The following EML6 variants were observed in gnomAD, a reference collection of about 807,000 sequenced individuals.
EML6 encodes the protein EMAP like 6, also known as echinoderm microtubule-associated protein-like 6.
A neutral mutation model predicts 240.1 loss-of-function variants in EML6; 154 were observed. The observed-to-expected ratio is 0.64, with a 90% confidence interval of 0.56 to 0.73. The LOEUF is 0.73. EML6 is among the 30% of genes least tolerant of loss of function. The pLI is 0.00. For synonymous variants in EML6, 1,148 were observed against 899.0 expected, an observed-to-expected ratio of 1.28 and a Z score of -4.95; for missense variants, 2,964 against 2,474.6, an observed-to-expected ratio of 1.20 and a Z score of -4.20.
chr2:54,781,830 C>A (rs1668870167), intron 2 of EML6, among the ~76,000 whole-genome samples: 1 of 151,982 alleles, frequency 6.6e-6, no homozygotes, highest in Admixed American at 6.6e-5. Context: ...CTGCCACGTC[C>A]CACTAATTTT....
intron 2 of EML6, among the ~76,000 whole-genome samples, chr2:54,771,237 T>C (rs1006760394): frequency 1.3e-5 from 2 of 152,306 alleles, no homozygotes; most frequent in East Asian, 3.9e-4. Flanking sequence ...CCCTAAAGCC[T>C]TTAACCTGGA....
Position 54,869,303 on chromosome 2 carries a change from G to A in EML6, c.2174G>A (p.Gly725Glu), listed in dbSNP as rs1671133142. 4 of 1,551,552 alleles carry A rather than the reference G, an allele frequency of 2.6e-6. No individual in the cohort carries two copies. Among genetic ancestry groups the A allele is most frequent in the Non-Finnish European group, 3.5e-6 (4 of 1,146,962 alleles). Residue 725 changes from glycine to glutamate, a missense_variant, in exon 15 of 42, where the codon GGG becomes GAG. By Grantham distance (98) the Gly-to-Glu change is moderately conservative. Coordinates refer to ENST00000356458, the MANE Select transcript of EML6 (RefSeq NM_001039753.4). ...CAGCACTCCCAGAGGCTGTACCTGG[G>A]GCACGATGACGACATTCTCAGCCTG... ...RQQHSQRLYL[G>E]HDDDILSLTI... is the part of the protein sequence containing the mutation.
At chr2:54,954,972 A>AG (rs1676163535) in intron 32 of EML6, among the ~76,000 whole-genome samples, 1 of 152,142 alleles carries the variant, frequency 6.6e-6, no homozygotes, top group African/African-American at 2.4e-5. Context: ...CTTCCCATGG[A>AG]GGGGGTGGTG....
At position 54,813,322 on chromosome 2, in the gene EML6, G is replaced by T. The variant is rs1369802547; in HGVS notation, c.288G>T (p.Gln96His). Reference sequence around the variant, plus strand: ...GCATATGGGATTCCTATAATGTCCAGACTGTGTCTCTTCTTAAAGATGTCC... The same window carrying T: ...GCATATGGGATTCCTATAATGTCCATACTGTGTCTCTTCTTAAAGATGTCC... ...YICIWDSYNV[Q>H]TVSLLKDVHT... Residue 96 changes from glutamine to histidine, a missense_variant, in exon 3 of 42, where the codon CAG becomes CAT. Transcript: ENST00000356458. 4.5e-6 allele frequency: 7 copies of T among 1,551,538 alleles called. No homozygotes were observed. The Admixed American group carries it at 1.2e-4, about 26-fold the overall frequency.
intron 2 of EML6, among the ~76,000 whole-genome samples, chr2:54,731,452 C>A (rs1292263640): frequency 6.6e-6 from 1 of 152,010 alleles, no homozygotes; most frequent in Non-Finnish European, 1.5e-5. Flanking sequence ...CCAGCCTGGG[C>A]AGCATAGGGA....
chr2:54,916,783 T>G lies in EML6; in HGVS notation c.3523T>G (p.Trp1175Gly). The G allele has an allele frequency of 1.3e-6, 2 of 1,532,496 alleles. No individual in the cohort carries two copies. Among genetic ancestry groups the G allele is most frequent in the Non-Finnish European group, 1.8e-6 (2 of 1,132,390 alleles). The allele number at this position is 1,532,496 out of a possible 1,614,324, so 94.9% of individuals were successfully genotyped here. Residue 1175 changes from tryptophan (W) to glycine (G), a missense_variant, in exon 26 of 42, where the codon TGG (tryptophan) becomes GGG (glycine). Coordinates refer to ENST00000356458, the MANE Select transcript of EML6 (RefSeq NM_001039753.4). Reference sequence around the variant, plus strand: ...GATCGAGAAGATAGAGTGGGACACATGGACCTGTGTCCTGGGGCCCACCTG... The same window carrying G: ...GATCGAGAAGATAGAGTGGGACACAGGGACCTGTGTCCTGGGGCCCACCTG... ...SEIEKIEWDT[W>G]TCVLGPTCEG... is the part of the protein sequence containing the mutation.
intron 17 of EML6, among the ~76,000 whole-genome samples, chr2:54,890,508 G>C (rs1279773860): frequency 6.6e-6 from 1 of 152,094 alleles, no homozygotes; most frequent in Non-Finnish European, 1.5e-5. Flanking sequence ...GCATTCCAAA[G>C]TGCCTCGAAT....
chr2:54,759,624 T>G (rs146424136), intron 2 of EML6, among the ~76,000 whole-genome samples: 58 of 152,138 alleles, frequency 3.8e-4, no homozygotes, highest in Admixed American at 1.2e-3. Flanking sequence ...AGAAAAACTT[T>G]AAAAACTCTA....
chr2:54,940,185 C>T (rs577507025), intron 28 of EML6, among the ~76,000 whole-genome samples: 201 of 152,264 alleles, frequency 1.3e-3, no homozygotes, highest in Non-Finnish European at 2.0e-3. Flanking sequence ...TTAGCATTTT[C>T]CAGAATTTTT....
At position 54,958,006 on chromosome 2, in the gene EML6, C is replaced by CTAG; in HGVS notation, c.4695+9_4695+11dup. The CTAG allele has an allele frequency of 3.2e-6, 5 of 1,544,334 alleles. No individual in the cohort carries two copies. The highest frequency in any genetic ancestry group is 4.4e-6 in the Non-Finnish European group (5 of 1,141,662). On this transcript the variant is annotated intron_variant, in intron 33 of 41. Coordinates refer to ENST00000356458, the MANE Select transcript of EML6 (RefSeq NM_001039753.4). ...TCCGTGGCCTTCGGTGCTGTGAGTT[C>CTAG]TAGCAGATACTCCCTGAGAAGGGGA...
chr2:54,737,778 C>T (rs940734783), intron 2 of EML6, among the ~76,000 whole-genome samples: 14 of 152,134 alleles, frequency 9.2e-5, no homozygotes, highest in Non-Finnish European at 1.3e-4. Context: ...CTGCCTTGAA[C>T]CCTCAGAGGA....
At chr2:54,872,384 C>T (rs772957737) in intron 16 of EML6, among the ~76,000 whole-genome samples, 7 of 152,058 alleles carry the variant, frequency 4.6e-5, no homozygotes, top group South Asian at 2.1e-4. Flanking sequence ...ATAAGTATAA[C>T]GTGTAATATT....
At chr2:54,884,714 AC>A (rs1204605948) in intron 17 of EML6, among the ~76,000 whole-genome samples, 3 of 152,274 alleles carry the variant, frequency 2.0e-5, no homozygotes, top group Non-Finnish European at 4.4e-5. Context: ...AAAAGTTCTC[AC>A]AAAAAAGATT....
intron 13 of EML6, 103 bp downstream of exon 13, chr2:54,863,992 T>A: frequency 1.6e-6 from 1 of 640,732 alleles, no homozygotes; most frequent in Non-Finnish European, 2.6e-6. Flanking sequence ...ACAAAGAGAA[T>A]TGAGGCAAAA....
chr2:54,884,812 T>C (rs1672033490), intron 17 of EML6, among the ~76,000 whole-genome samples: 1 of 152,216 alleles, frequency 6.6e-6, no homozygotes, highest in African/African-American at 2.4e-5. Context: ...TATTTTCATT[T>C]TGGTTTTCTC....
chr2:54,744,539 T>G lies in EML6; in HGVS notation c.197+19281T>G, dbSNP rs74512980. On this transcript the variant is annotated intron_variant, in intron 2 of 41. Transcript: ENST00000356458. ...GGACAGGGGAGTGGGGTGTGCAGAGTCAGGGAGGCCAGTGTGAAGGAATGA... is the reference window on the plus strand; with the variant it reads ...GGACAGGGGAGTGGGGTGTGCAGAGGCAGGGAGGCCAGTGTGAAGGAATGA... Among the ~76,000 whole-genome samples the G allele has an allele frequency of 1.6e-3, 238 of 151,542 alleles. 1 individual carries two copies. The highest frequency in any genetic ancestry group is 5.0e-3 in the African/African-American group (205 of 41,262).
chr2:54,725,040 G>T lies in EML6; in HGVS notation c.-22G>T. 6.7e-7 allele frequency: 1 copy of T among 1,493,402 alleles called. No individual in the cohort carries two copies. The highest frequency in any genetic ancestry group is 8.9e-7 in the Non-Finnish European group (1 of 1,122,062). 92.5% of individuals were successfully genotyped at this position (1,493,402 alleles called of 1,614,324 possible). A position where few individuals can be genotyped will look rare whatever the true frequency, so the allele number is the denominator to read the frequency against. On this transcript the variant is annotated 5_prime_UTR_variant, in exon 2 of 42. Transcript: ENST00000356458. This position sits in a 1 kb window ranked among gnomAD's most constrained non-coding sequence, Gnocchi z 4.3. ...CGGCCCCGGCGCGCGGGGGGGCGGG[G>T]GGCGCGCGGGGTCGGCTTATCATGG...
chr2:54,728,873 C>A lies in EML6; in HGVS notation c.197+3615C>A, dbSNP rs143282786. On this transcript the variant is annotated intron_variant, in intron 2 of 41. Coordinates refer to ENST00000356458, the MANE Select transcript of EML6 (RefSeq NM_001039753.4). ...TTCCTTTTTTAAAAAATCATAAATT[C>A]TTTGCTTCCCACTTGCCATATGATG... Among the ~76,000 whole-genome samples, 979 of 152,208 alleles carry A rather than the reference C, an allele frequency of 6.4e-3. 13 individuals are homozygous for A. The highest frequency in any genetic ancestry group is 0.022 in the African/African-American group (930 of 41,524).
intron 28 of EML6, among the ~76,000 whole-genome samples, chr2:54,945,956 T>G (rs1675676172): frequency 6.6e-6 from 1 of 152,110 alleles, no homozygotes; most frequent in African/African-American, 2.4e-5. Context: ...GTTGTGACTC[T>G]CCCCACAGGC....
Sources: gnomAD v4.1 joint callset for allele counts (sites outside exome capture counted in the v4.1 genomes callset) on GRCh38, gnomAD v4.1.1 for gene constraint, Gnocchi (gnomAD v3.1) non-coding constraint, MANE v1.5 for transcripts, NCBI Gene and HGNC (gene_info 2026-07-23, HGNC 2026-07-21) for gene names.